NAA11: variants seen among roughly 807,000 people sequenced by gnomAD.
The protein encoded by NAA11 is N-alpha-acetyltransferase 11.
In NAA11, 15 loss-of-function variants were observed where a neutral mutation model predicts 16.1. The observed-to-expected ratio is 0.93, with a 90% CI of 0.62 to 1.44. NAA11 has a LOEUF of 1.44. Among genes scored for constraint, NAA11 ranks in the 40% most tolerant of loss-of-function variants. The pLI, the probability that NAA11 is intolerant of heterozygous loss-of-function variation, is 0.00. For missense variants in NAA11, 298 were observed against 291.3 expected (o/e 1.02, Z -0.17); for synonymous variants, 122 against 112.4 (o/e 1.09, Z -0.54).
the NAA11 span, among the ~76,000 whole-genome samples, chr4:79,158,391 A>G: frequency 2.0e-5 from 3 of 152,120 alleles, no homozygotes; most frequent in Non-Finnish European, 2.9e-5. Context: ...AAACTTAACA[A>G]TATACCTAAC....
intron 2 of NAA11, among the ~76,000 whole-genome samples, chr4:79,232,816 A>T (rs1313286276): frequency 6.6e-6 from 1 of 151,974 alleles, no homozygotes; most frequent in Non-Finnish European, 1.5e-5. Context: ...CTCTAGATTG[A>T]GTCATGCTCT....
the NAA11 span, among the ~76,000 whole-genome samples, chr4:79,167,132 T>TTATATATATATATATATA: frequency 0.03 from 510 of 17,146 alleles, 103 homozygotes; most frequent in Non-Finnish European, 0.043. Flanking sequence ...ACAGCTTATT[T>TTATATATATATATATATA]TATATATATA....
intron 2 of NAA11, among the ~76,000 whole-genome samples, chr4:79,276,225 T>C (rs1722642034): frequency 6.6e-6 from 1 of 152,142 alleles, no homozygotes. Context: ...GTTCTTGCAT[T>C]TTAAAGAGAA....
chr4:79,270,297 C>T (rs1325069504), intron 2 of NAA11, among the ~76,000 whole-genome samples: 2 of 151,884 alleles, frequency 1.3e-5, no homozygotes, highest in Non-Finnish European at 2.9e-5. Context: ...ATAAATTCCT[C>T]GACACATACA....
the NAA11 span, chr4:79,211,550 T>C: frequency 1.3e-5 from 2 of 152,200 alleles, no homozygotes; most frequent in South Asian, 4.1e-4. Context: ...TGTATAGATA[T>C]ACATTCCTTC....
rs374141558 is a variant in NAA11, at chr4:79,271,134, T to C, written c.*122+22871A>G. Among the ~76,000 whole-genome samples, 33 of 56,410 alleles carry C rather than the reference T, an allele frequency of 5.9e-4. 1 individual carries two copies. In the East Asian group the frequency reaches 0.013, roughly 21 times the overall value. The allele number at this position is 56,410 out of a possible 152,430, so 37.0% of individuals were successfully genotyped here. ...TGATTGTATATCTAGAAAACCCCAT[T>C]GTCTCAGCCCAAAATCTCCTTAAGC... On this transcript the variant is annotated intron_variant and NMD_transcript_variant, in intron 2 of 2. Coordinates refer to the NAA11 transcript ENST00000511542.
chr4:79,161,816 G>GGGAC, the NAA11 span, among the ~76,000 whole-genome samples: 1 of 152,032 alleles, frequency 6.6e-6, no homozygotes, highest in African/African-American at 2.4e-5. Flanking sequence ...CTGAGTAGCT[G>GGGAC]GGACTACTGG....
the NAA11 span, among the ~76,000 whole-genome samples, chr4:79,180,091 G>T: frequency 1.3e-5 from 2 of 152,266 alleles, no homozygotes; most frequent in Admixed American, 1.3e-4. Flanking sequence ...GGGGATTACG[G>T]GGACTACAAT....
chr4:79,239,616 C>T (rs1451896305), intron 2 of NAA11, among the ~76,000 whole-genome samples: 2 of 152,086 alleles, frequency 1.3e-5, no homozygotes, highest in Non-Finnish European at 2.9e-5. Flanking sequence ...ATGAGAATCG[C>T]TTGAACCCGG....
the NAA11 span, among the ~76,000 whole-genome samples, chr4:79,167,132 T>A: frequency 1.7e-4 from 3 of 17,290 alleles, no homozygotes; most frequent in Non-Finnish European, 4.1e-4. Flanking sequence ...ACAGCTTATT[T>A]TATATATATA....
At chr4:79,159,992 CTTT>C in the NAA11 span, among the ~76,000 whole-genome samples, 1 of 133,124 alleles carries the variant, frequency 7.5e-6, no homozygotes, top group Non-Finnish European at 1.6e-5. Context: ...TTTCTACTTT[CTTT>C]TTTTTTTTTT....
chr4:79,295,673 C>T (rs1383267889), intron 1 of NAA11, among the ~76,000 whole-genome samples: 2 of 152,098 alleles, frequency 1.3e-5, no homozygotes, highest in Non-Finnish European at 2.9e-5. Flanking sequence ...GTTCAAAATG[C>T]TAGACATTAA....
At chr4:79,170,925 C>T in the NAA11 span, among the ~76,000 whole-genome samples, 4 of 43,556 alleles carry the variant, frequency 9.2e-5, no homozygotes, top group Admixed American at 7.1e-4. Flanking sequence ...ATAGCATTCA[C>T]AAAAAAACAA....
chr4:79,190,526 T>A, the NAA11 span, among the ~76,000 whole-genome samples: 1 of 151,698 alleles, frequency 6.6e-6, no homozygotes, highest in Admixed American at 6.6e-5. Flanking sequence ...ATGGCAGGAA[T>A]CTGTGTAAAG....
the NAA11 span, among the ~76,000 whole-genome samples, chr4:79,208,470 T>C: frequency 1.4e-4 from 22 of 152,260 alleles, no homozygotes; most frequent in Admixed American, 8.5e-4. Flanking sequence ...CTGACTGAAA[T>C]AGATATACAT....
the NAA11 span, among the ~76,000 whole-genome samples, chr4:79,212,327 C>T: frequency 6.6e-6 from 1 of 152,052 alleles, no homozygotes; most frequent in Non-Finnish European, 1.5e-5. Context: ...TTACTCTGGG[C>T]CATTATTTCT....
the NAA11 span, among the ~76,000 whole-genome samples, chr4:79,201,043 TG>T: frequency 2.6e-5 from 4 of 151,704 alleles, no homozygotes; most frequent in African/African-American, 9.7e-5. Flanking sequence ...TTTTATATTG[TG>T]TTTTTTTCTT....
At chr4:79,271,641 A>G (rs1560438691) in intron 2 of NAA11, among the ~76,000 whole-genome samples, 1 of 152,068 alleles carries the variant, frequency 6.6e-6, no homozygotes, top group Non-Finnish European at 1.5e-5. Flanking sequence ...ATTAAGAAGA[A>G]ACTAACTCGC....
Position 79,325,893 on chromosome 4 carries a change from G to A in NAA11, c.-16C>T. 6.3e-7 allele frequency: 1 copy of A among 1,590,368 alleles called. No homozygotes were observed. Among genetic ancestry groups the A allele is most frequent in the Non-Finnish European group, 8.6e-7 (1 of 1,167,320 alleles). ...GGATGTTCATAATGGCAGAGGGTAG[G>A]GAACCGGTTGGACTGCAGTGAACCC... On this transcript the variant is annotated 5_prime_UTR_variant, in exon 1 of 2. Coordinates refer to ENST00000286794, the MANE Select transcript of NAA11 (RefSeq NM_032693.3).
Sources: allele counts gnomAD v4.1 joint callset (sites outside exome capture counted in the v4.1 genomes callset), GRCh38; gene constraint gnomAD v4.1.1; transcripts MANE v1.5; gene names NCBI Gene and HGNC (gene_info 2026-07-23, HGNC 2026-07-21).